The following UBA1 variants were observed in gnomAD, a reference collection of about 807,000 sequenced individuals.
UBA1 encodes the protein ubiquitin-like modifier-activating enzyme 1.
In UBA1, 4 loss-of-function variants were observed where a neutral mutation model predicts 84.7. The observed-to-expected ratio is 0.05, with a 90% confidence interval of 0.02 to 0.11. The LOEUF (loss-of-function observed/expected upper bound fraction) is 0.11. Ranked by LOEUF, UBA1 falls within the 10% of genes least tolerant of loss-of-function variation. The probability of loss-of-function intolerance (pLI) is 1.00; values close to 1 mark genes in which losing one functional copy is unlikely to be tolerated. For missense variants in UBA1, 513 were observed against 902.8 expected, an observed-to-expected ratio of 0.57 and a Z score of 5.53; for synonymous variants, 364 against 362.6, an observed-to-expected ratio of 1.00 and a Z score of -0.04.
chrX:47,193,936 G>GGGA lies in UBA1; in HGVS notation c.-81_-79dup, dbSNP rs1483573307. The GGGA allele has an allele frequency of 8.9e-6, 1 of 112,765 alleles. No homozygotes were observed. Among genetic ancestry groups the GGGA allele is most frequent in the Non-Finnish European group, 1.9e-5 (1 of 53,583 alleles). 9.3% of individuals were successfully genotyped at this position (112,765 alleles called of 1,213,427 possible). The stretch of plus-strand genomic sequence containing the variant: ...GCGATTCTAGGCGGCCCAGGCGGCG[G>GGGA]GGAGGAGGAGAAGGAGGAGGGTGGC... On this transcript the variant is annotated 5_prime_UTR_variant, in exon 1 of 26. Coordinates refer to ENST00000335972, the MANE Select transcript of UBA1 (RefSeq NM_003334.4).
chrX:47,198,928 C>T lies in UBA1; in HGVS notation c.117+9C>T, dbSNP rs371344095. ...CCTCGGTGCCAACCAACGTGAGTGT[C>T]CTCTCCGTGGAGACTGGCAGACGAG... On this transcript the variant is annotated intron_variant, in intron 2 of 25. Coordinates refer to ENST00000335972, the MANE Select transcript of UBA1 (RefSeq NM_003334.4). The T allele has an allele frequency of 1.6e-4, 191 of 1,208,759 alleles. No individual in the cohort carries two copies. The African/African-American group carries it at 2.7e-3, about 17-fold the overall frequency.
rs782799228 is a variant in UBA1, at chrX:47,199,485, C to T, written c.351C>T (p.Tyr117=). The T allele has an allele frequency of 5.5e-5, 67 of 1,210,137 alleles. No homozygotes were observed. The Admixed American group carries it at 1.3e-3, about 23-fold the overall frequency. ...CCTACTGCACACCCTTACAGTTCTA[C>T]CTGCGGGAGGAGGACATCGGTAAAA... The part of the protein sequence containing the change: ...AQWADLSSQF[Y]LREEDIGKNR... The change falls in exon 5 of 26, where the codon TAC becomes TAT. Residue 117 remains tyrosine, a synonymous_variant. Coordinates refer to ENST00000335972, the MANE Select transcript of UBA1 (RefSeq NM_003334.4).
At chrX:47,197,682 G>A in intron 1 of UBA1, 1 of 716,471 alleles carries the variant, frequency 1.4e-6, no homozygotes, top group African/African-American at 2.3e-5. Context: ...CTTCTCATTT[G>A]TCCGGCAAGG....
chrX:47,209,477 A>G, intron 16 of UBA1, 146 bp from the exon 17 acceptor site: 1 of 559,055 alleles, frequency 1.8e-6, no homozygotes, highest in Non-Finnish European at 3.2e-6. Context: ...GAGGTGGGGG[A>G]ATGGGGAAGG....
Position 47,206,276 on chromosome X carries a change from C to T in UBA1, c.1770C>T (p.Tyr590=), listed in dbSNP as rs782725019. The change falls in exon 16 of 26, where the codon TAC becomes TAT. Residue 590 remains tyrosine, a synonymous_variant. Coordinates refer to ENST00000335972, the MANE Select transcript of UBA1 (RefSeq NM_003334.4). ...TGTACATGGACCGCCGCTGTGTCTA[C>T]TACCGGAAGCCACTGCTGGAGTCAG... The part of the protein sequence containing the change: ...ARMYMDRRCV[Y]YRKPLLESGT... The T allele has an allele frequency of 8.3e-7, 1 of 1,208,883 alleles. No homozygotes were observed. Among genetic ancestry groups the T allele is most frequent in the Non-Finnish European group, 1.1e-6 (1 of 893,955 alleles).
intron 1 of UBA1, chrX:47,196,999 C>T: frequency 4.4e-6 from 2 of 450,340 alleles, no homozygotes; most frequent in Non-Finnish European, 5.5e-6. Flanking sequence ...AAATGAGGCT[C>T]AGAGGAAATG....
chrX:47,209,350 C>T (rs1556792544), intron 16 of UBA1: 1 of 451,640 alleles, frequency 2.2e-6, no homozygotes, highest in African/African-American at 2.4e-5. Context: ...GATGGGGTTT[C>T]ACCATGTTGG....
intron 5 of UBA1, among the ~76,000 whole-genome samples, chrX:47,199,939 C>T (rs1370787290): frequency 2.7e-5 from 3 of 110,219 alleles, no homozygotes; most frequent in Non-Finnish European, 3.8e-5. Context: ...CCTGCCACCA[C>T]GCCCGGCTAA....
chrX:47,197,706 C>T (rs1556785936), intron 1 of UBA1: 3 of 666,121 alleles, frequency 4.5e-6, no homozygotes, highest in East Asian at 3.2e-4. Context: ...CTAAACTCTG[C>T]CTTGCTGGGT....
At chrX:47,212,357 C>A in intron 20 of UBA1, 67 bp from the exon 21 acceptor site, 1 of 839,153 alleles carries the variant, frequency 1.2e-6, no homozygotes, top group African/African-American at 2.0e-5. Flanking sequence ...CCACCCTGGG[C>A]TCTCATTTCC....
chrX:47,200,299 C>CA (rs1292090636), intron 5 of UBA1, among the ~76,000 whole-genome samples: 2 of 112,117 alleles, frequency 1.8e-5, no homozygotes, highest in Non-Finnish European at 3.8e-5. Context: ...GAGGGTTAAA[C>CA]ACGTGGAATT....
At chrX:47,199,805 C>T (rs1298214063) in intron 5 of UBA1, among the ~76,000 whole-genome samples, 191 bp downstream of exon 5, 2 of 104,942 alleles carry the variant, frequency 1.9e-5, no homozygotes, top group African/African-American at 7.0e-5. Flanking sequence ...TTTTTTGAGA[C>T]GGAGTCTTGC....
chrX:47,202,096 A>C, intron 8 of UBA1, 60 bp from the exon 9 acceptor site: 2 of 990,593 alleles, frequency 2.0e-6, no homozygotes, highest in Non-Finnish European at 2.8e-6. Flanking sequence ...CTTATCTTGC[A>C]GGGGTTGTGG....
chrX:47,205,773 G>T, intron 14 of UBA1, 175 bp from the exon 15 acceptor site: 1 of 538,253 alleles, frequency 1.9e-6, no homozygotes. Flanking sequence ...AGGATCGCTG[G>T]AGCCTGGGAA....
In UBA1 at chrX:47,202,975, G is replaced by A. The variant is rs782456418; in HGVS notation, c.1266G>A (p.Gln422=). 5.8e-6 allele frequency: 7 copies of A among 1,210,162 alleles called. No individual in the cohort carries two copies. The African/African-American group carries it at 7.0e-5, about 12-fold the overall frequency. Residue 422 remains glutamine, a synonymous_variant, in exon 12 of 26, where the codon CAG becomes CAA. Coordinates refer to ENST00000335972, the MANE Select transcript of UBA1 (RefSeq NM_003334.4). ...ACSGKFMPIM[Q]WLYFDALECL... ...CCGGGAAGTTCATGCCCATCATGCA[G>A]TGGCTATACTTTGATGCCCTTGAGT...
In UBA1 at chrX:47,214,448, CTG is replaced by C. The variant is rs1937064081; in HGVS notation, c.2940+22_2940+23del. On this transcript the variant is annotated intron_variant, in intron 24 of 25. Transcript: ENST00000335972. ...TTTAAGGTAAGGCCCCTCCCTTACT[CTG>C]TCACCCCACCTCAGGGGGCGAGGTG... The C allele has an allele frequency of 8.3e-7, 1 of 1,204,470 alleles. No individual in the cohort carries two copies.
At chrX:47,212,095 C>T (rs1437458648) in intron 20 of UBA1, among the ~76,000 whole-genome samples, 1 of 106,068 alleles carries the variant, frequency 9.4e-6, no homozygotes, top group Non-Finnish European at 1.9e-5. Context: ...CTGTGTTCCC[C>T]CCATCTTGCT....
chrX:47,209,904 T>C (rs782106094), intron 17 of UBA1, 24 bp from the exon 18 acceptor site: 2 of 1,207,022 alleles, frequency 1.7e-6, no homozygotes, highest in Admixed American at 2.2e-5. Flanking sequence ...AATCCTATCC[T>C]CTGTCCTCTT....
At position 47,203,148 on chromosome X, in the gene UBA1, T is replaced by C. The variant is rs1488418187; in HGVS notation, c.1353T>C (p.Tyr451=). The C allele has an allele frequency of 8.3e-6, 10 of 1,210,314 alleles. No homozygotes were observed. The African/African-American group carries it at 1.0e-4, about 13-fold the overall frequency. The change falls in exon 13 of 26, where the codon TAT becomes TAC. Residue 451 remains tyrosine (Y), a synonymous_variant. Coordinates refer to ENST00000335972, the MANE Select transcript of UBA1 (RefSeq NM_003334.4). Reference sequence around the variant, plus strand: ...GCATTCCTTAGCGCCAGAACCGTTATGACGGGCAAGTGGCTGTGTTTGGCT... The same window carrying C: ...GCATTCCTTAGCGCCAGAACCGTTACGACGGGCAAGTGGCTGTGTTTGGCT... ...EDKCLQRQNR[Y]DGQVAVFGSD... is the part of the protein sequence containing the mutation.
Sources: gnomAD v4.1 joint callset for allele counts (sites outside exome capture counted in the v4.1 genomes callset) on GRCh38, gnomAD v4.1.1 for gene constraint, MANE v1.5 for transcripts, NCBI Gene and HGNC (gene_info 2026-07-23, HGNC 2026-07-21) for gene names.